SH3D19: variants seen among roughly 807,000 people sequenced by gnomAD.
SH3D19 encodes SH3 domain containing 19.
A neutral mutation model predicts 112.1 loss-of-function variants in SH3D19; 58 were observed. The observed-to-expected ratio is 0.52, with a 90% CI of 0.42 to 0.64. SH3D19 has a LOEUF of 0.64. SH3D19 is among the 30% of genes least tolerant of loss of function. SH3D19 has a pLI of 0.00. For missense variants in SH3D19, 1,090 were observed against 1,263.4 expected, an observed-to-expected ratio of 0.86 and a Z score of 2.08; for synonymous variants, 391 against 448.5, an observed-to-expected ratio of 0.87 and a Z score of 1.62.
chr4:151,196,756 T>C (rs1266179685), intron 2 of SH3D19, among the ~76,000 whole-genome samples: 1 of 151,902 alleles, frequency 6.6e-6, no homozygotes, highest in Non-Finnish European at 1.5e-5. Flanking sequence ...AACAAAGGAC[T>C]AATATCCAGA....
rs1752154310 is a variant in SH3D19, at chr4:151,137,726, A to T, written c.2427+6T>A. ...GACCAAATTAAAACAAACACAACCC[A>T]CTTACAATCACTTTGACATAGTTGG... is the stretch of plus-strand genomic sequence containing the variant. On this transcript the variant is annotated splice_donor_region_variant and intron_variant, in intron 14 of 19. Coordinates refer to ENST00000604030, the MANE Select transcript of SH3D19 (RefSeq NM_001378122.1). 6.3e-7 allele frequency: 1 copy of T among 1,585,272 alleles called. No individual in the cohort carries two copies. The highest frequency in any genetic ancestry group is 8.6e-7 in the Non-Finnish European group (1 of 1,168,466).
chr4:151,153,971 T>C (rs1755574724), intron 9 of SH3D19, among the ~76,000 whole-genome samples: 1 of 152,082 alleles, frequency 6.6e-6, no homozygotes, highest in South Asian at 2.1e-4. Context: ...TTTTCTTTTC[T>C]TTTTTTCTGA....
chr4:151,252,088 T>C (rs979242515), intron 1 of SH3D19, among the ~76,000 whole-genome samples: 4 of 152,194 alleles, frequency 2.6e-5, no homozygotes. Flanking sequence ...CACCTTCCAA[T>C]TGGTGAGCTG....
At chr4:151,283,664 G>A (rs1445778057) in intron 1 of SH3D19, among the ~76,000 whole-genome samples, 2 of 151,856 alleles carry the variant, frequency 1.3e-5, no homozygotes, top group African/African-American at 4.8e-5. Flanking sequence ...GGGACTACAA[G>A]CTCACACCTC....
At chr4:151,213,141 T>C (rs1231976048) in intron 2 of SH3D19, among the ~76,000 whole-genome samples, 2 of 152,246 alleles carry the variant, frequency 1.3e-5, no homozygotes, top group African/African-American at 2.4e-5. Flanking sequence ...AATTTACTCC[T>C]GGTGAAGATG....
At chr4:151,189,098 T>C (rs1325487670) in intron 2 of SH3D19, among the ~76,000 whole-genome samples, 2 of 152,048 alleles carry the variant, frequency 1.3e-5, no homozygotes, top group Non-Finnish European at 2.9e-5. Context: ...AGTAAGTTTC[T>C]GTTTTTGTTT....
chr4:151,303,345 ATCATT>A (rs1426837798), intron 1 of SH3D19, among the ~76,000 whole-genome samples: 6 of 152,236 alleles, frequency 3.9e-5, no homozygotes, highest in African/African-American at 1.2e-4. Context: ...TAGATTATCA[ATCATT>A]TCTTTTATTA....
chr4:151,195,391 A>G lies in SH3D19; in HGVS notation c.153-7928T>C, dbSNP rs1404747402. Among the ~76,000 whole-genome samples, 7 of 140,808 alleles carry G rather than the reference A, an allele frequency of 5.0e-5. 1 individual carries two copies. The highest frequency in any genetic ancestry group is 1.2e-4 in the African/African-American group (4 of 32,290). The allele number at this position is 140,808 out of a possible 152,430, so 92.4% of individuals were successfully genotyped here. Reference sequence around the variant, plus strand: ...TGTCTCAAAAAAAAAAAAAAAAAAAAAAAAAAGAAAAAGAAAAAAAGAGTT... The same window carrying G: ...TGTCTCAAAAAAAAAAAAAAAAAAAGAAAAAAGAAAAAGAAAAAAAGAGTT... On this transcript the variant is annotated intron_variant, in intron 2 of 19. Coordinates refer to ENST00000604030, the MANE Select transcript of SH3D19 (RefSeq NM_001378122.1).
Position 151,137,869 on chromosome 4 carries a change from T to C in SH3D19, c.2297-7A>G, listed in dbSNP as rs755649921. The C allele has an allele frequency of 3.2e-6, 5 of 1,586,986 alleles. No individual in the cohort carries two copies. The highest frequency in any genetic ancestry group is 4.3e-6 in the Non-Finnish European group (5 of 1,171,564). ...TTCAAATCATCAACTTGCTCTGTAA[T>C]ATAAAATTATAGTTATGTATGATGA... On this transcript the variant is annotated splice_polypyrimidine_tract_variant and splice_region_variant and intron_variant, in intron 13 of 19. Transcript: ENST00000604030.
At chr4:151,317,538 A>C (rs1350879777) in intron 1 of SH3D19, among the ~76,000 whole-genome samples, 1 of 152,220 alleles carries the variant, frequency 6.6e-6, no homozygotes, top group Non-Finnish European at 1.5e-5. Flanking sequence ...CTAGTGTGAG[A>C]GAGGGAAAGA....
chr4:151,188,382 G>C (rs1160620307), intron 2 of SH3D19, among the ~76,000 whole-genome samples: 2 of 152,164 alleles, frequency 1.3e-5, no homozygotes, highest in African/African-American at 2.4e-5. Flanking sequence ...ATATAAGGTA[G>C]AGGCGGAATG....
chr4:151,159,291 A>C lies in SH3D19; in HGVS notation c.1704T>G (p.Thr568=). Residue 568 remains threonine, a synonymous_variant, in exon 9 of 20, where the codon ACT becomes ACG. Coordinates refer to ENST00000604030, the MANE Select transcript of SH3D19 (RefSeq NM_001378122.1). ...TGAGCTTTCCAGATACTGTACTGAA[A>C]GTGTTTCCAATAGGTTTTTCAGCAG... ...PLPAEKPIGN[T]FSTVSGKLSN... is the part of the protein sequence containing the mutation. 1 of 1,576,808 alleles carries C rather than the reference A, an allele frequency of 6.3e-7. No individual in the cohort carries two copies. Among genetic ancestry groups the C allele is most frequent in the Non-Finnish European group, 8.6e-7 (1 of 1,167,870 alleles).
chr4:151,224,458 T>C (rs893841544), intron 2 of SH3D19, among the ~76,000 whole-genome samples: 8 of 152,208 alleles, frequency 5.3e-5, no homozygotes, highest in African/African-American at 1.9e-4. Flanking sequence ...TATGAAGAAC[T>C]AAATCCTTCA....
At position 151,122,131 on chromosome 4, in the gene SH3D19, A is replaced by T; in HGVS notation, c.3104T>A (p.Ile1035Lys). 1 of 1,609,576 alleles carries T rather than the reference A, an allele frequency of 6.2e-7. No individual in the cohort carries two copies. Among genetic ancestry groups the T allele is most frequent in the South Asian group, 1.1e-5 (1 of 90,890 alleles). ...MSGELMGKSG[I>K]FPKNYIQFLQ... ...AAACTGTATGTAGTTTTTGGGAAAT[A>T]TTCCAGATTTTCCCATAAGTTCTCC... is the stretch of plus-strand genomic sequence containing the variant. The change falls in exon 20 of 20, where the codon ATA becomes AAA. Residue 1035 changes from isoleucine to lysine, a missense_variant. Coordinates refer to ENST00000604030, the MANE Select transcript of SH3D19 (RefSeq NM_001378122.1).
At chr4:151,200,034 A>T (rs1318136813) in intron 2 of SH3D19, among the ~76,000 whole-genome samples, 1 of 152,126 alleles carries the variant, frequency 6.6e-6, no homozygotes, top group Admixed American at 6.6e-5. Context: ...CCTTTCTGCC[A>T]TAAGAGGAAA....
At chr4:151,226,369 C>T (rs1026288038) in intron 1 of SH3D19, 38 of 1,082,746 alleles carry the variant, frequency 3.5e-5, no homozygotes, top group Non-Finnish European at 4.0e-5. Context: ...GTGCTAAATA[C>T]TTTGCTAACA....
rs1218765261 is a variant in SH3D19, at chr4:151,283,282, G to A, written c.112+41959C>T. 1.9e-6 allele frequency: 3 copies of A among 1,613,410 alleles called. No homozygotes were observed. In the South Asian group the frequency reaches 3.3e-5, roughly 18 times the overall value. On this transcript the variant is annotated intron_variant, in intron 1 of 19. Transcript: ENST00000604030. The stretch of plus-strand genomic sequence containing the variant: ...GATACTCAAAACATGAAGGATAGTT[G>A]CAAGGTCAGGGTTTGCTCTAGAGAA...
intron 1 of SH3D19, among the ~76,000 whole-genome samples, chr4:151,319,127 T>C (rs1243361357): frequency 7.9e-5 from 12 of 152,222 alleles, no homozygotes; most frequent in Non-Finnish European, 1.0e-4. Context: ...CTCAGTTCAC[T>C]GCAACATCCA....
At chr4:151,208,679 CT>C (rs1320713202) in intron 2 of SH3D19, among the ~76,000 whole-genome samples, 1 of 73,106 alleles carries the variant, frequency 1.4e-5, no homozygotes, top group Non-Finnish European at 3.6e-5. Context: ...CCCAGGAAAT[CT>C]CTTTTTTTTT....
Sources: allele counts gnomAD v4.1 joint callset (sites outside exome capture counted in the v4.1 genomes callset), GRCh38; gene constraint gnomAD v4.1.1; transcripts MANE v1.5; gene names NCBI Gene and HGNC (gene_info 2026-07-23, HGNC 2026-07-21).